Variants in LRRC38 observed in about 807,000 individuals in gnomAD.
LRRC38 encodes leucine rich repeat containing 38.
Under a neutral mutation model 16.4 loss-of-function variants are expected in LRRC38, and 5 were observed. The ratio of observed to expected loss-of-function variants is 0.31; its 90% CI spans 0.16 to 0.64. The LOEUF (loss-of-function observed/expected upper bound fraction) is 0.64, where lower values mean the gene tolerates loss of function less well. Among genes scored for constraint, LRRC38 ranks in the 30% least tolerant of loss-of-function variants. The pLI, the probability that LRRC38 is intolerant of heterozygous loss-of-function variation, is 0.80. For missense variants in LRRC38, 341 were observed against 401.8 expected (o/e 0.85, Z 1.29); for synonymous variants, 191 against 190.2 (o/e 1.00, Z -0.04).
chr1:13,512,111 A>C (rs1426303244), intron 1 of LRRC38, among the ~76,000 whole-genome samples: 2 of 152,140 alleles, frequency 1.3e-5, no homozygotes, highest in Non-Finnish European at 2.9e-5. Context: ...CAGGGTCACA[A>C]GTGGGAGGCT....
At chr1:13,512,655 C>T (rs1019378630) in intron 1 of LRRC38, among the ~76,000 whole-genome samples, 7 of 152,150 alleles carry the variant, frequency 4.6e-5, no homozygotes, top group Non-Finnish European at 8.8e-5. Flanking sequence ...CCACACCCGC[C>T]AGTCCTAGGA....
chr1:13,483,360 G>A (rs979433985), intron 1 of LRRC38, among the ~76,000 whole-genome samples: 3 of 152,034 alleles, frequency 2.0e-5, no homozygotes, highest in African/African-American at 7.2e-5. Context: ...CTTTGGCCAG[G>A]TTGGTCTCAA....
intron 1 of LRRC38, among the ~76,000 whole-genome samples, chr1:13,479,449 C>T (rs775591095): frequency 2.1e-4 from 32 of 152,218 alleles, no homozygotes; most frequent in Non-Finnish European, 4.4e-4. Context: ...CGGCACCTGC[C>T]GTTTAAATCC....
intron 1 of LRRC38, among the ~76,000 whole-genome samples, chr1:13,483,785 C>A (rs149950373): frequency 1.2e-3 from 183 of 152,212 alleles, no homozygotes; most frequent in African/African-American, 4.3e-3. Context: ...AGTACCTGGC[C>A]ACGTACGTGC....
chr1:13,494,224 G>A (rs993152034), intron 1 of LRRC38, among the ~76,000 whole-genome samples: 1 of 152,150 alleles, frequency 6.6e-6, no homozygotes, highest in African/African-American at 2.4e-5. Context: ...GCCGAGCCCG[G>A]GAGCCAGGTG....
intron 1 of LRRC38, among the ~76,000 whole-genome samples, chr1:13,500,072 G>A (rs1253920086): frequency 2.0e-5 from 3 of 152,092 alleles, no homozygotes; most frequent in Admixed American, 2.0e-4. Flanking sequence ...CCAGCATGGA[G>A]AAACCCCGTC....
chr1:13,511,370 A>G (rs747553684), intron 1 of LRRC38, among the ~76,000 whole-genome samples: 35 of 152,174 alleles, frequency 2.3e-4, no homozygotes, highest in South Asian at 4.1e-4. Flanking sequence ...CCATGTCTTC[A>G]GATTCCAAAT....
chr1:13,478,475 C>A (rs537712019), intron 1 of LRRC38, among the ~76,000 whole-genome samples: 1 of 152,324 alleles, frequency 6.6e-6, no homozygotes, highest in South Asian at 2.1e-4. Context: ...CTTTGATTAA[C>A]AAGGTGCCCT....
chr1:13,501,064 T>C (rs1639142788), intron 1 of LRRC38, among the ~76,000 whole-genome samples: 1 of 152,164 alleles, frequency 6.6e-6, no homozygotes, highest in East Asian at 1.9e-4. Flanking sequence ...TCATGTAAAC[T>C]TGCTGTGGGC....
chr1:13,510,645 C>T (rs1290791354), intron 1 of LRRC38, among the ~76,000 whole-genome samples: 2 of 119,636 alleles, frequency 1.7e-5, no homozygotes, highest in Non-Finnish European at 3.3e-5. Context: ...AGAAAAAGCA[C>T]AAATGCAGGA....
At chr1:13,482,786 G>A (rs1638885902) in intron 1 of LRRC38, among the ~76,000 whole-genome samples, 1 of 152,130 alleles carries the variant, frequency 6.6e-6, no homozygotes, top group South Asian at 2.1e-4. Flanking sequence ...AGCTGTCTAA[G>A]TTAAGAATAG....
At chr1:13,497,962 C>CA (rs370605050) in intron 1 of LRRC38, among the ~76,000 whole-genome samples, 19,745 of 68,830 alleles carry the variant, frequency 0.29, 2,051 homozygotes, top group East Asian at 0.38. Context: ...AACTCCATCA[C>CA]AAAAAAAAAA....
At chr1:13,509,896 T>G (rs978340487) in intron 1 of LRRC38, among the ~76,000 whole-genome samples, 8 of 152,108 alleles carry the variant, frequency 5.3e-5, no homozygotes, top group Non-Finnish European at 1.0e-4. Context: ...CCTGGAGGTG[T>G]GGAGCTTGCT....
rs1409328866 is a variant in LRRC38 at position 13,484,735 on chromosome 1, C to T, written c.632-8636G>A. On this transcript the variant is annotated intron_variant, in intron 1 of 1. Transcript: ENST00000376085. ...GACAGAGTGGAGATGCATCAGCCAA[C>T]CTCTCTTGCAGCCTCACCATATGCC... 3.3e-5 allele frequency among the ~76,000 whole-genome samples: 5 copies of T among 152,246 alleles called. No homozygotes were observed. The East Asian group carries it at 9.6e-4, about 29-fold the overall frequency.
chr1:13,501,760 ATTTTTG>A (rs1639152597), intron 1 of LRRC38, among the ~76,000 whole-genome samples: 2 of 147,890 alleles, frequency 1.4e-5, no homozygotes, highest in South Asian at 4.3e-4. Flanking sequence ...TGCCCGGCTC[ATTTTTG>A]TTTTTGTTTG....
intron 1 of LRRC38, among the ~76,000 whole-genome samples, chr1:13,485,676 TG>T (rs1638924693): frequency 6.6e-6 from 1 of 152,142 alleles, no homozygotes; most frequent in Admixed American, 6.5e-5. Flanking sequence ...CAATCTGGTT[TG>T]GGGCCCATGC....
Position 13,475,268 on chromosome 1 carries a change from A to T in LRRC38, c.*578T>A, listed in dbSNP as rs2100484034. The T allele has an allele frequency of 6.5e-6, 1 of 153,724 alleles. No individual in the cohort carries two copies. Among genetic ancestry groups the T allele is most frequent in the East Asian group, 1.9e-4 (1 of 5,200 alleles). The allele number at this position is 153,724 out of a possible 1,614,324, so 9.5% of individuals were successfully genotyped here. On this transcript the variant is annotated 3_prime_UTR_variant, in exon 2 of 2. Coordinates refer to ENST00000376085, the MANE Select transcript of LRRC38 (RefSeq NM_001010847.2). This position sits in a 1 kb window ranked among gnomAD's most constrained non-coding sequence, Gnocchi z 4.3. ...CACATTGGGGATTAGGTTTCAACATATAAAATCTGGGGGAACATAAACATT... is the reference window on the plus strand; with the variant it reads ...CACATTGGGGATTAGGTTTCAACATTTAAAATCTGGGGGAACATAAACATT...
rs76295579 is a variant in LRRC38, at chr1:13,482,556, C to T, written c.632-6457G>A. Among the ~76,000 whole-genome samples, 332 of 148,688 alleles carry T rather than the reference C, an allele frequency of 2.2e-3. 1 individual carries two copies. The highest frequency in any genetic ancestry group is 7.1e-3 in the African/African-American group (284 of 40,072). ...GATTACGCCACTGCAATCCAGCTTGCGCTACCGAATAAGACTCCATCTCGG... is the reference window on the plus strand; with the variant it reads ...GATTACGCCACTGCAATCCAGCTTGTGCTACCGAATAAGACTCCATCTCGG... On this transcript the variant is annotated intron_variant, in intron 1 of 1. Coordinates refer to ENST00000376085, the MANE Select transcript of LRRC38 (RefSeq NM_001010847.2).
chr1:13,496,285 C>T (rs1639078730), intron 1 of LRRC38, among the ~76,000 whole-genome samples: 1 of 152,162 alleles, frequency 6.6e-6, no homozygotes, highest in South Asian at 2.1e-4. Flanking sequence ...CCTCTTGCCT[C>T]AGCGTCCCAA....
Sources: allele counts gnomAD v4.1 joint callset (sites outside exome capture counted in the v4.1 genomes callset), GRCh38; gene constraint gnomAD v4.1.1; non-coding constraint Gnocchi (gnomAD v3.1); transcripts MANE v1.5; gene names NCBI Gene and HGNC (gene_info 2026-07-23, HGNC 2026-07-21).